CFAP251: variants seen among roughly 807,000 people sequenced by gnomAD.
The protein encoded by CFAP251 is cilia- and flagella-associated protein 251.
Under a neutral mutation model 126.7 loss-of-function variants are expected in CFAP251, and 93 were observed. That is an observed-to-expected ratio of 0.73 (90% CI 0.62 to 0.87). The LOEUF is 0.87. Among genes scored for constraint, CFAP251 ranks in the 40% least tolerant of loss-of-function variants. CFAP251 has a pLI of 0.00. For synonymous variants in CFAP251, 503 were observed against 506.9 expected (o/e 0.99, Z 0.10); for missense variants, 1,287 against 1,389.2 (o/e 0.93, Z 1.17).
At chr12:121,982,387 T>G (rs1414396262) in intron 19 of CFAP251, among the ~76,000 whole-genome samples, 3 of 151,842 alleles carry the variant, frequency 2.0e-5, no homozygotes, top group Admixed American at 2.0e-4. Flanking sequence ...CTTGATTTTT[T>G]TTTTTTTTTG....
At position 121,968,079 on chromosome 12, in the gene CFAP251, TGGCCGG is replaced by T. The variant is rs1565916999; in HGVS notation, c.2682_2687del (p.Ala895_Gly896del). ...GCTATTGTTTGCCACCCGAACGGGG[TGGCCGG>T]CATGGCCGTTTCCTATGATGGCTGC... On this transcript the variant is annotated inframe_deletion, in exon 17 of 22. Coordinates refer to ENST00000288912, the MANE Select transcript of CFAP251 (RefSeq NM_144668.6). The T allele has an allele frequency of 6.2e-7, 1 of 1,613,730 alleles. No homozygotes were observed. Among genetic ancestry groups the T allele is most frequent in the Admixed American group, 1.7e-5 (1 of 60,010 alleles).
chr12:121,999,761 A>G lies in CFAP251; in HGVS notation c.3052A>G (p.Thr1018Ala). 3 of 1,613,302 alleles carry G rather than the reference A, an allele frequency of 1.9e-6. No individual in the cohort carries two copies. The highest frequency in any genetic ancestry group is 2.5e-6 in the Non-Finnish European group (3 of 1,179,352). ...AATCAAATTTGGTGAATATGTGGAC[A>G]CTGGAAAGCTAATCGACAAGATCAA... ...NEIKFGEYVD[T>A]GKLIDKINLP... The change falls in exon 20 of 22, where the codon ACT (threonine) becomes GCT (alanine). Residue 1018 changes from threonine to alanine, a missense_variant. Coordinates refer to ENST00000288912, the MANE Select transcript of CFAP251 (RefSeq NM_144668.6).
intron 17 of CFAP251, chr12:121,969,633 A>G: frequency 1.3e-6 from 1 of 750,786 alleles, no homozygotes; most frequent in South Asian, 6.0e-5. Flanking sequence ...CCACAGGCAT[A>G]TGCCAATGTG....
At position 121,952,240 on chromosome 12, in the gene CFAP251, T is replaced by TAAAAAAAAAAAAAAAAA. The variant is rs558861973; in HGVS notation, c.1320+725_1320+741dup. On this transcript the variant is annotated intron_variant, in intron 9 of 21. Coordinates refer to ENST00000288912, the MANE Select transcript of CFAP251 (RefSeq NM_144668.6). Reference sequence around the variant, plus strand: ...AACACAGGCTAGACTTCGTTTCTACTAAAAAAAAAAAAAAAAAAAAAAAAA... The same window carrying TAAAAAAAAAAAAAAAAA: ...AACACAGGCTAGACTTCGTTTCTACTAAAAAAAAAAAAAAAAAAAAAAAAAAAAAAAAAAAAAAAAAA... Among the ~76,000 whole-genome samples the TAAAAAAAAAAAAAAAAA allele has an allele frequency of 1.5e-3, 136 of 92,066 alleles. 1 individual carries two copies. Among genetic ancestry groups the TAAAAAAAAAAAAAAAAA allele is most frequent in the Non-Finnish European group, 2.0e-3 (108 of 53,842 alleles). 60.4% of individuals were successfully genotyped at this position (92,066 alleles called of 152,430 possible). A position where few individuals can be genotyped will look rare whatever the true frequency, so the allele number is the denominator to read the frequency against.
In CFAP251 at chr12:121,942,921, G is replaced by C; in HGVS notation, c.1137G>C (p.Leu379Phe). The change falls in exon 7 of 22, where the codon TTG becomes TTC. Residue 379 changes from leucine to phenylalanine, a missense_variant. Physicochemically the swap from Leu to Phe is conservative, Grantham distance 22. Transcript: ENST00000288912. ...AGGTATGCATCTGGAAGTGGACTTT[G>C]GCAGTGGAAACGCCAGCATGCACTC... ...VQKVCIWKWT[L>F]AVETPACTLE... 1 of 1,614,186 alleles carries C rather than the reference G, an allele frequency of 6.2e-7. No individual in the cohort carries two copies. The highest frequency in any genetic ancestry group is 8.5e-7 in the Non-Finnish European group (1 of 1,180,036).
chr12:121,981,321 A>T lies in CFAP251; in HGVS notation c.3006+5636A>T, dbSNP rs142464426. Among the ~76,000 whole-genome samples the T allele has an allele frequency of 1.5e-3, 227 of 152,150 alleles. 5 individuals carry two copies. In the East Asian group the frequency reaches 0.038, roughly 25 times the overall value. ...ACCCTGTCTCTACAAAAAATAAAAAAAAAATAGCTGTAGTGGCATGTGCCT... is the reference window on the plus strand; with the variant it reads ...ACCCTGTCTCTACAAAAAATAAAAATAAAATAGCTGTAGTGGCATGTGCCT... On this transcript the variant is annotated intron_variant, in intron 19 of 21. Transcript: ENST00000288912.
intron 3 of CFAP251, among the ~76,000 whole-genome samples, chr12:121,928,690 G>GTA (rs367690393): frequency 0.48 from 29,650 of 62,370 alleles, 5,214 homozygotes; most frequent in East Asian, 0.54. Flanking sequence ...ATATATATAC[G>GTA]TATATATATA....
intron 3 of CFAP251, among the ~76,000 whole-genome samples, chr12:121,926,312 C>A (rs1010846909): frequency 6.6e-6 from 1 of 151,384 alleles, no homozygotes; most frequent in Non-Finnish European, 1.5e-5. Context: ...TTCTCTCTTT[C>A]TCCTTTATTA....
intron 15 of CFAP251, among the ~76,000 whole-genome samples, chr12:121,963,180 C>A (rs1324520421): frequency 6.6e-6 from 1 of 152,082 alleles, no homozygotes; most frequent in Non-Finnish European, 1.5e-5. Context: ...GGCGGCTTGG[C>A]CCTGAGGGCA....
intron 19 of CFAP251, among the ~76,000 whole-genome samples, chr12:121,995,777 T>C: frequency 6.6e-6 from 1 of 152,172 alleles, no homozygotes; most frequent in East Asian, 1.9e-4. Flanking sequence ...TGAGCCACCA[T>C]GCCTGACCTG....
At chr12:121,920,057 G>A (rs866402121) in intron 1 of CFAP251, among the ~76,000 whole-genome samples, 1 of 151,710 alleles carries the variant, frequency 6.6e-6, no homozygotes, top group South Asian at 2.1e-4. Context: ...GGTGGCAGAC[G>A]CCTGTAATCC....
At chr12:121,927,134 T>C (rs1225582575) in intron 3 of CFAP251, among the ~76,000 whole-genome samples, 1 of 151,970 alleles carries the variant, frequency 6.6e-6, no homozygotes, top group East Asian at 1.9e-4. Context: ...CAACATGTTA[T>C]CTGTGTGCCC....
rs1031782635 is a variant in CFAP251, at chr12:121,974,002, T to C, written c.2772-1242T>C. On this transcript the variant is annotated intron_variant, in intron 17 of 21. Coordinates refer to ENST00000288912, the MANE Select transcript of CFAP251 (RefSeq NM_144668.6). This position sits in a 1 kb window ranked among gnomAD's most constrained non-coding sequence, Gnocchi z 4.6. ...GGGAGGGGTCAGAGGCGGAATGATA[T>C]GGTTTGGCTGTGTCTCCACCCAAAT... Among the ~76,000 whole-genome samples, 8 of 152,128 alleles carry C rather than the reference T, an allele frequency of 5.3e-5. No homozygotes were observed. Among genetic ancestry groups the C allele is most frequent in the Non-Finnish European group, 1.0e-4 (7 of 68,018 alleles).
chr12:121,947,323 T>C (rs1045748206), intron 7 of CFAP251, among the ~76,000 whole-genome samples: 2 of 152,178 alleles, frequency 1.3e-5, no homozygotes, highest in Admixed American at 6.6e-5. Flanking sequence ...TCTGCTGAGA[T>C]TCCCCATCTT....
At chr12:121,958,809 G>C in intron 12 of CFAP251, 134 bp from the exon 13 acceptor site, 1 of 1,182,432 alleles carries the variant, frequency 8.5e-7, no homozygotes, top group Non-Finnish European at 1.2e-6. Flanking sequence ...ACGCGTTTCG[G>C]TTCATTTCTC....
At chr12:121,936,801 C>T (rs1263671245) in intron 5 of CFAP251, among the ~76,000 whole-genome samples, 1 of 152,042 alleles carries the variant, frequency 6.6e-6, no homozygotes, top group African/African-American at 2.4e-5. Context: ...GATGCTTGTC[C>T]AGCCGTGCTG....
At chr12:121,928,096 G>T (rs1880491689) in intron 3 of CFAP251, among the ~76,000 whole-genome samples, 1 of 152,214 alleles carries the variant, frequency 6.6e-6, no homozygotes. Context: ...GACCCGGGAA[G>T]AGCTGTTGTG....
chr12:121,977,006 A>C (rs1882477169), intron 19 of CFAP251, among the ~76,000 whole-genome samples: 1 of 152,210 alleles, frequency 6.6e-6, no homozygotes, highest in African/African-American at 2.4e-5. Flanking sequence ...TCATATATAT[A>C]ATCATGCATC....
chr12:121,964,009 A>ACCACTG (rs1268635344), intron 15 of CFAP251, among the ~76,000 whole-genome samples: 2 of 152,036 alleles, frequency 1.3e-5, no homozygotes, highest in Non-Finnish European at 2.9e-5. Flanking sequence ...CACGACCACC[A>ACCACTG]CCACTGCCAC....
Sources: allele counts gnomAD v4.1 joint callset (sites outside exome capture counted in the v4.1 genomes callset), GRCh38; gene constraint gnomAD v4.1.1; non-coding constraint Gnocchi (gnomAD v3.1); transcripts MANE v1.5; gene names NCBI Gene and HGNC (gene_info 2026-07-23, HGNC 2026-07-21).